Variants in CRACD observed in about 807,000 individuals in gnomAD.
CRACD encodes the protein capping protein-inhibiting regulator of actin dynamics.
Under a neutral mutation model 106.8 loss-of-function variants are expected in CRACD, and 56 were observed. That is an observed-to-expected ratio of 0.52 (90% CI 0.42 to 0.66). The LOEUF is 0.66. Among genes scored for constraint, CRACD ranks in the 30% least tolerant of loss-of-function variants. The probability of loss-of-function intolerance (pLI) is 0.00; values close to 1 mark genes in which losing one functional copy is unlikely to be tolerated. For synonymous variants in CRACD, 754 were observed against 670.8 expected (o/e 1.12, Z -1.92); for missense variants, 1,730 against 1,623.2 (o/e 1.07, Z -1.13).
chr4:56,174,475 A>T (rs1013661661), intron 1 of CRACD, among the ~76,000 whole-genome samples: 11 of 152,192 alleles, frequency 7.2e-5, no homozygotes, highest in Non-Finnish European at 1.3e-4. Flanking sequence ...GGTAACTATC[A>T]TTCTACTCTG....
At chr4:56,226,447 C>A (rs906663735) in intron 2 of CRACD, among the ~76,000 whole-genome samples, 1 of 152,068 alleles carries the variant, frequency 6.6e-6, no homozygotes, top group Admixed American at 6.6e-5. Context: ...TGCGTTGGCT[C>A]AATTAACCTC....
chr4:56,278,307 A>G (rs1335060686), intron 3 of CRACD, among the ~76,000 whole-genome samples: 1 of 152,256 alleles, frequency 6.6e-6, no homozygotes, highest in Non-Finnish European at 1.5e-5. Flanking sequence ...GTATAAGGAT[A>G]GATATAAAGA....
rs1560524474 is a variant in CRACD, at chr4:56,298,335, G to A, written c.106G>A (p.Val36Ile). ...GTCACAGGACAACATCCTGGGCAAA[G>A]TCAAAACTCTTCAGGTAAGACAGCT... ...AMSQDNILGK[V>I]KTLQQQLGKN... is the part of the protein sequence containing the mutation. The change falls in exon 4 of 11, where the codon GTC (valine) becomes ATC (isoleucine). Residue 36 changes from valine (V) to isoleucine (I), a missense_variant. Val to Ile is a conservative substitution (Grantham distance 29). This residue lies in a region of CRACD where 1,620 missense variants were observed against 1,481.6 expected (regional missense o/e 1.09). Transcript: ENST00000682029. 4.3e-6 allele frequency: 7 copies of A among 1,614,184 alleles called. No individual in the cohort carries two copies. Among genetic ancestry groups the A allele is most frequent in the Admixed American group, 1.7e-5 (1 of 60,032 alleles).
chr4:56,279,011 T>C (rs1249598967), intron 3 of CRACD, among the ~76,000 whole-genome samples: 2 of 152,186 alleles, frequency 1.3e-5, no homozygotes, highest in African/African-American at 4.8e-5. Flanking sequence ...GATGAAGATA[T>C]ATAGGGATTG....
intron 2 of CRACD, among the ~76,000 whole-genome samples, chr4:56,222,923 C>T (rs1003943615): frequency 6.6e-6 from 1 of 151,512 alleles, no homozygotes; most frequent in Admixed American, 6.6e-5. Flanking sequence ...TGCAGTGGGC[C>T]GAAATCACGC....
At chr4:56,080,941 T>C (rs1305196907) in intron 1 of CRACD, among the ~76,000 whole-genome samples, 1 of 152,246 alleles carries the variant, frequency 6.6e-6, no homozygotes, top group Non-Finnish European at 1.5e-5. Context: ...CTACATCAGA[T>C]CTATCCACTT....
intron 1 of CRACD, among the ~76,000 whole-genome samples, chr4:56,127,190 G>A (rs1158730693): frequency 1.3e-5 from 2 of 152,182 alleles, no homozygotes; most frequent in Non-Finnish European, 2.9e-5. Context: ...GACACAGCAG[G>A]AGGGCCCTTG....
In CRACD at chr4:56,101,677, C is replaced by T. The variant is rs547928618; in HGVS notation, c.-336+52378C>T. On this transcript the variant is annotated intron_variant, in intron 1 of 10. Transcript: ENST00000682029. ...ACTTGGGAGGCTGAGGCAGGAGAAT[C>T]GCTTGAACCCAGCAGGTAGAGTTTG... 1.5e-4 allele frequency among the ~76,000 whole-genome samples: 22 copies of T among 150,634 alleles called. No homozygotes were observed. In the East Asian group the frequency reaches 4.1e-3, roughly 28 times the overall value.
intron 2 of CRACD, among the ~76,000 whole-genome samples, chr4:56,236,748 AAAC>A (rs1739990758): frequency 6.6e-6 from 1 of 152,228 alleles, no homozygotes; most frequent in Non-Finnish European, 1.5e-5. Context: ...TAAAAAAAAA[AAAC>A]AAAACTTTTG....
At chr4:56,243,161 C>G (rs543011888) in intron 2 of CRACD, among the ~76,000 whole-genome samples, 1 of 152,210 alleles carries the variant, frequency 6.6e-6, no homozygotes, top group Non-Finnish European at 1.5e-5. Flanking sequence ...CAGCTAAATT[C>G]TTAACAGTGG....
intron 1 of CRACD, among the ~76,000 whole-genome samples, chr4:56,141,046 A>C (rs1735178610): frequency 6.6e-6 from 1 of 152,200 alleles, no homozygotes; most frequent in South Asian, 2.1e-4. Context: ...AGTCAGTGAA[A>C]GAGGAGGGCT....
intron 2 of CRACD, among the ~76,000 whole-genome samples, chr4:56,259,519 A>G (rs1741574070): frequency 6.6e-6 from 1 of 152,184 alleles, no homozygotes; most frequent in African/African-American, 2.4e-5. Context: ...AAGGAGGAAA[A>G]AGAAAAGAAG....
At chr4:56,215,646 T>C (rs1290396013) in intron 2 of CRACD, among the ~76,000 whole-genome samples, 4 of 152,188 alleles carry the variant, frequency 2.6e-5, no homozygotes, top group South Asian at 4.2e-4. Flanking sequence ...ATGTTACACA[T>C]AGAGACAGCA....
chr4:56,261,160 T>C (rs1294801448), intron 2 of CRACD, among the ~76,000 whole-genome samples: 1 of 152,110 alleles, frequency 6.6e-6, no homozygotes, highest in African/African-American at 2.4e-5. Flanking sequence ...CAAGGCGAAG[T>C]AGCAGGCAGC....
chr4:56,317,460 G>T (rs1377682118), intron 8 of CRACD, among the ~76,000 whole-genome samples: 1 of 152,182 alleles, frequency 6.6e-6, no homozygotes, highest in Non-Finnish European at 1.5e-5. Context: ...AGCGATAAAA[G>T]GTGCCAACAG....
chr4:56,272,102 A>C (rs749040140), intron 2 of CRACD, among the ~76,000 whole-genome samples: 2 of 152,128 alleles, frequency 1.3e-5, no homozygotes, highest in Non-Finnish European at 2.9e-5. Context: ...GGGACAGACG[A>C]TTCACCATGC....
Position 56,249,504 on chromosome 4 carries a change from A to G in CRACD, c.-188-22817A>G, listed in dbSNP as rs1162236889. 2.0e-5 allele frequency among the ~76,000 whole-genome samples: 3 copies of G among 150,842 alleles called. No individual in the cohort carries two copies. In the East Asian group the frequency reaches 5.9e-4, roughly 29 times the overall value. ...TTTGTCAGATGAGTAGGTTGCGAAA[A>G]TTTTCTCCCATTTTGTAGGTTGCCT... is the stretch of plus-strand genomic sequence containing the variant. On this transcript the variant is annotated intron_variant, in intron 2 of 10. Coordinates refer to ENST00000682029, the MANE Select transcript of CRACD (RefSeq NM_001393381.1).
intron 2 of CRACD, among the ~76,000 whole-genome samples, chr4:56,240,251 T>C (rs776441928): frequency 6.6e-6 from 1 of 152,002 alleles, no homozygotes; most frequent in Non-Finnish European, 1.5e-5. Context: ...AACACCGTGA[T>C]AGAGATATGC....
At chr4:56,142,267 T>C (rs1184433524) in intron 1 of CRACD, among the ~76,000 whole-genome samples, 1 of 152,216 alleles carries the variant, frequency 6.6e-6, no homozygotes, top group Non-Finnish European at 1.5e-5. Flanking sequence ...CTATATGATG[T>C]TATCTAGTGA....
Sources: gnomAD v4.1 joint callset for allele counts (sites outside exome capture counted in the v4.1 genomes callset) on GRCh38, gnomAD v4.1.1 for gene constraint, gnomAD v4.1.1 regional missense constraint, MANE v1.5 for transcripts, NCBI Gene and HGNC (gene_info 2026-07-23, HGNC 2026-07-21) for gene names.